The following RBFOX2 variants were observed in gnomAD, a reference collection of about 807,000 sequenced individuals.
RBFOX2 encodes RNA binding protein fox-1 homolog 2.
A neutral mutation model predicts 49.1 loss-of-function variants in RBFOX2; 10 were observed. The ratio of observed to expected loss-of-function variants is 0.20; its 90% CI spans 0.13 to 0.35. The LOEUF (loss-of-function observed/expected upper bound fraction) is 0.35, where lower values mean the gene tolerates loss of function less well. Ranked by LOEUF, RBFOX2 falls within the 10% of genes least tolerant of loss-of-function variation. The probability of loss-of-function intolerance (pLI) is 1.00; values close to 1 mark genes in which losing one functional copy is unlikely to be tolerated. For missense variants in RBFOX2, 323 were observed against 486.9 expected (o/e 0.66, Z 3.17); for synonymous variants, 183 against 187.4 (o/e 0.98, Z 0.19).
chr22:35,779,717 T>C (rs1290140868), intron 3 of RBFOX2, among the ~76,000 whole-genome samples: 2 of 152,204 alleles, frequency 1.3e-5, no homozygotes, highest in Non-Finnish European at 2.9e-5. Context: ...GCTAATGAAA[T>C]GGAGCATGGA....
In RBFOX2 at chr22:35,793,379, T is replaced by C. The variant is rs575961190; in HGVS notation, c.253-11633A>G. On this transcript the variant is annotated intron_variant, in intron 2 of 11. Transcript: ENST00000405409. ...CAAGAATGAAACTCTGTCTCAAAAA[T>C]AAATAAATCAATGAATAAAAATGTT... Among the ~76,000 whole-genome samples, 11 of 152,196 alleles carry C rather than the reference T, an allele frequency of 7.2e-5. No homozygotes were observed. The South Asian group carries it at 2.3e-3, about 32-fold the overall frequency.
At chr22:35,947,543 C>T (rs2054428056) in intron 1 of RBFOX2, among the ~76,000 whole-genome samples, 1 of 151,520 alleles carries the variant, frequency 6.6e-6, no homozygotes. Context: ...ATGTGTGTTA[C>T]TGGCCATTAC....
At chr22:35,783,093 C>A (rs890032852) in intron 2 of RBFOX2, among the ~76,000 whole-genome samples, 3 of 152,174 alleles carry the variant, frequency 2.0e-5, no homozygotes, top group African/African-American at 7.2e-5. Flanking sequence ...GCCTGAGGAC[C>A]GGAAAACAGT....
chr22:35,978,458 A>G (rs1242820777), intron 1 of RBFOX2, among the ~76,000 whole-genome samples: 1 of 152,224 alleles, frequency 6.6e-6, no homozygotes, highest in Non-Finnish European at 1.5e-5. Context: ...AGCAATATGC[A>G]TACCCACCAC....
intron 9 of RBFOX2, among the ~76,000 whole-genome samples, chr22:35,752,837 A>G (rs1935445664): frequency 6.6e-6 from 1 of 152,198 alleles, no homozygotes; most frequent in Non-Finnish European, 1.5e-5. Flanking sequence ...AGGGCGAACT[A>G]TGCCTTTTCT....
chr22:35,946,029 A>T (rs2054242793), intron 1 of RBFOX2, among the ~76,000 whole-genome samples: 2 of 152,174 alleles, frequency 1.3e-5, no homozygotes, highest in African/African-American at 4.8e-5. Context: ...CAGCTGGTAT[A>T]AGCAGTATGT....
chr22:35,924,921 C>T (rs2149617736), intron 1 of RBFOX2, among the ~76,000 whole-genome samples: 1 of 152,246 alleles, frequency 6.6e-6, no homozygotes, highest in East Asian at 1.9e-4. Context: ...CGCCTGTAAT[C>T]CCAGCACTCT....
intron 1 of RBFOX2, among the ~76,000 whole-genome samples, chr22:35,881,492 G>A (rs1317709290): frequency 3.3e-5 from 5 of 151,500 alleles, no homozygotes; most frequent in African/African-American, 1.2e-4. Flanking sequence ...TAAGGAAGGA[G>A]GATAGCTTGA....
intron 1 of RBFOX2, among the ~76,000 whole-genome samples, chr22:35,856,974 G>C (rs2042585437): frequency 6.6e-6 from 1 of 152,218 alleles, no homozygotes; most frequent in Admixed American, 6.5e-5. Flanking sequence ...AGAGGTTGCA[G>C]TGAGCCGAGA....
Position 36,000,623 on chromosome 22 carries a change from A to C in RBFOX2, c.186+27617T>G, listed in dbSNP as rs373817104. Among the ~76,000 whole-genome samples the C allele has an allele frequency of 5.9e-4, 90 of 152,280 alleles. No individual in the cohort carries two copies. In the South Asian group the frequency reaches 0.018, roughly 30 times the overall value. ...AAAAAAAAGAGAGACGAAGGGTGGG[A>C]AGGTGAATGAACAAGGTACCCGGGA... On this transcript the variant is annotated intron_variant, in intron 1 of 13. Transcript: ENST00000438146.
upstream of RBFOX2, among the ~76,000 whole-genome samples, chr22:35,939,621 T>C (rs1043809575): frequency 2.6e-5 from 4 of 152,100 alleles, no homozygotes; most frequent in African/African-American, 9.7e-5. Flanking sequence ...AACCTTATTT[T>C]TTAAAGGTAT....
At chr22:35,927,850 G>A (rs2051858863) in intron 1 of RBFOX2, among the ~76,000 whole-genome samples, 1 of 152,024 alleles carries the variant, frequency 6.6e-6, no homozygotes, top group African/African-American at 2.4e-5. Context: ...CTTTTTCTTG[G>A]AGATGTCCAA....
At position 36,009,826 on chromosome 22, in the gene RBFOX2, A is replaced by C. The variant is rs551526945; in HGVS notation, c.186+18414T>G. Among the ~76,000 whole-genome samples, 18 of 152,342 alleles carry C rather than the reference A, an allele frequency of 1.2e-4. 1 individual carries two copies. In the South Asian group the frequency reaches 3.5e-3, roughly 30 times the overall value. ...ATTCTGTGACTATTTCCATCCAAGC[A>C]GTGTATTAAAATTATCTATGTACAT... On this transcript the variant is annotated intron_variant, in intron 1 of 13. Coordinates refer to the RBFOX2 transcript ENST00000438146.
At chr22:36,001,024 T>C (rs935206831) in intron 1 of RBFOX2, among the ~76,000 whole-genome samples, 9 of 152,154 alleles carry the variant, frequency 5.9e-5, no homozygotes, top group Admixed American at 2.0e-4. Context: ...GCATCAAAAC[T>C]AAACCCAAGG....
At chr22:35,856,535 T>C (rs1486638541) in intron 1 of RBFOX2, among the ~76,000 whole-genome samples, 2 of 152,010 alleles carry the variant, frequency 1.3e-5, no homozygotes. Context: ...AGTCACAGTA[T>C]TCTTAGAAGG....
chr22:35,917,274 A>C (rs1232458473), intron 1 of RBFOX2, among the ~76,000 whole-genome samples: 1 of 152,232 alleles, frequency 6.6e-6, no homozygotes, highest in Admixed American at 6.5e-5. Flanking sequence ...ACTACTACCC[A>C]GCTTAAGTGT....
At chr22:35,806,315 CAACGT>C (rs1449826323) in intron 2 of RBFOX2, among the ~76,000 whole-genome samples, 1 of 150,608 alleles carries the variant, frequency 6.6e-6, no homozygotes, top group Non-Finnish European at 1.5e-5. Context: ...AAAAAAAAAA[CAACGT>C]AAGATTGTTT....
At chr22:35,988,450 T>C (rs1277869766) in intron 1 of RBFOX2, among the ~76,000 whole-genome samples, 2 of 152,030 alleles carry the variant, frequency 1.3e-5, no homozygotes, top group African/African-American at 4.8e-5. Context: ...AAATCCTAAA[T>C]AGGGAAAAGT....
chr22:35,831,860 T>C (rs1045983688), intron 1 of RBFOX2, among the ~76,000 whole-genome samples: 6 of 152,336 alleles, frequency 3.9e-5, no homozygotes, highest in Admixed American at 6.5e-5. Flanking sequence ...AAAATAATTA[T>C]TGACTTCCAT....
Sources: allele counts gnomAD v4.1 joint callset (sites outside exome capture counted in the v4.1 genomes callset), GRCh38; gene constraint gnomAD v4.1.1; transcripts MANE v1.5; gene names NCBI Gene and HGNC (gene_info 2026-07-23, HGNC 2026-07-21).